The following RBM47 variants were observed in gnomAD, a reference collection of about 807,000 sequenced individuals.
RBM47 encodes the protein RNA-binding protein 47.
Under a neutral mutation model 47.1 loss-of-function variants are expected in RBM47, and 21 were observed. The observed-to-expected ratio is 0.45, with a 90% CI of 0.32 to 0.64. The LOEUF (loss-of-function observed/expected upper bound fraction) is 0.64. Among genes scored for constraint, RBM47 ranks in the 30% least tolerant of loss-of-function variants. The pLI, the probability that RBM47 is intolerant of heterozygous loss-of-function variation, is 0.05. For missense variants in RBM47, 708 were observed against 870.9 expected, an observed-to-expected ratio of 0.81 and a Z score of 2.35; for synonymous variants, 375 against 361.7, an observed-to-expected ratio of 1.04 and a Z score of -0.42.
intron 1 of RBM47, among the ~76,000 whole-genome samples, chr4:40,599,897 T>C (rs1735090198): frequency 6.6e-6 from 1 of 152,158 alleles, no homozygotes; most frequent in Admixed American, 6.6e-5. Flanking sequence ...GGGTGGTTTG[T>C]TGTACATCAA....
At chr4:40,583,614 T>G (rs149330782) in intron 1 of RBM47, among the ~76,000 whole-genome samples, 7,821 of 151,370 alleles carry the variant, frequency 0.052, 470 homozygotes, top group East Asian at 0.21. Context: ...ATCCCAGCAC[T>G]TTGGGAGGCC....
chr4:40,455,650 G>A (rs1386263480), intron 3 of RBM47: 3 of 152,134 alleles, frequency 2.0e-5, no homozygotes, highest in African/African-American at 2.4e-5. Context: ...CTCAGGAGGC[G>A]GAGGTGGGAG....
At chr4:40,498,537 G>C (rs1015174111) in intron 2 of RBM47, among the ~76,000 whole-genome samples, 2 of 151,880 alleles carry the variant, frequency 1.3e-5, no homozygotes, top group Non-Finnish European at 2.9e-5. Flanking sequence ...AATTAGCCTG[G>C]CATGGTGGTG....
At chr4:40,528,135 A>G (rs1726934110) in intron 2 of RBM47, among the ~76,000 whole-genome samples, 1 of 152,240 alleles carries the variant, frequency 6.6e-6, no homozygotes, top group Non-Finnish European at 1.5e-5. Context: ...GTTTTGGGCC[A>G]GGTGTGGTGG....
At chr4:40,615,886 C>T (rs1309770651) in intron 1 of RBM47, among the ~76,000 whole-genome samples, 1 of 152,172 alleles carries the variant, frequency 6.6e-6, no homozygotes, top group Non-Finnish European at 1.5e-5. Context: ...ATCTGTGGCT[C>T]AATTAAGCAA....
intron 1 of RBM47, among the ~76,000 whole-genome samples, chr4:40,566,832 G>T (rs1176778780): frequency 2.6e-5 from 4 of 151,892 alleles, no homozygotes; most frequent in African/African-American, 9.7e-5. Context: ...AGCGCTAAGA[G>T]CAGTAGCTAC....
At chr4:40,478,111 G>GATCAAGCGA (rs1220127834) in intron 2 of RBM47, among the ~76,000 whole-genome samples, 1 of 150,570 alleles carries the variant, frequency 6.6e-6, no homozygotes, top group African/African-American at 2.5e-5. Flanking sequence ...CGCCTCCTGG[G>GATCAAGCGA]TTCAAGCGAT....
At chr4:40,527,961 C>T (rs1726911542) in intron 2 of RBM47, among the ~76,000 whole-genome samples, 3 of 152,100 alleles carry the variant, frequency 2.0e-5, no homozygotes, top group Non-Finnish European at 4.4e-5. Flanking sequence ...AACTTGTTTT[C>T]GTATTTCAAA....
intron 1 of RBM47, among the ~76,000 whole-genome samples, chr4:40,625,736 T>C (rs1234665495): frequency 2.0e-5 from 3 of 152,134 alleles, no homozygotes; most frequent in Non-Finnish European, 2.9e-5. Context: ...ACCACAAATA[T>C]ATAGCATCCC....
chr4:40,584,356 T>A lies in RBM47; in HGVS notation c.-239-39850A>T, dbSNP rs568065794. Among the ~76,000 whole-genome samples, 213 of 152,272 alleles carry A rather than the reference T, an allele frequency of 1.4e-3. 7 individuals are homozygous for A. Among genetic ancestry groups the A allele is most frequent in the Middle Eastern group, 6.8e-3 (2 of 294 alleles). On this transcript the variant is annotated intron_variant, in intron 1 of 6. Transcript: ENST00000295971. Reference sequence around the variant, plus strand: ...CCCTGTGAGCCATGACATGGAAACTTCCACTCCAATCCATCAGACCAGTGT... The same window carrying A: ...CCCTGTGAGCCATGACATGGAAACTACCACTCCAATCCATCAGACCAGTGT...
intron 4 of RBM47, among the ~76,000 whole-genome samples, chr4:40,437,135 A>T (rs1257943122): frequency 4.2e-5 from 4 of 95,022 alleles, no homozygotes; most frequent in African/African-American, 1.9e-4. Flanking sequence ...TATATATAAA[A>T]TACATATATA....
At chr4:40,542,012 T>TA (rs1359988313) in intron 2 of RBM47, among the ~76,000 whole-genome samples, 1 of 152,172 alleles carries the variant, frequency 6.6e-6, no homozygotes, top group East Asian at 1.9e-4. Context: ...AACCACCTCT[T>TA]ACTAGAAGCT....
At chr4:40,587,468 A>G (rs1733701281) in intron 1 of RBM47, among the ~76,000 whole-genome samples, 1 of 152,206 alleles carries the variant, frequency 6.6e-6, no homozygotes, top group African/African-American at 2.4e-5. Flanking sequence ...CAGGGAACAC[A>G]CAGAAAGAGA....
intron 1 of RBM47, among the ~76,000 whole-genome samples, chr4:40,598,344 T>C (rs1243294030): frequency 6.6e-6 from 1 of 152,130 alleles, no homozygotes; most frequent in African/African-American, 2.4e-5. Context: ...CCTACCAGGC[T>C]CAAGCCATCC....
At chr4:40,516,362 C>A (rs1240423220) in intron 2 of RBM47, among the ~76,000 whole-genome samples, 3 of 150,738 alleles carry the variant, frequency 2.0e-5, no homozygotes, top group African/African-American at 7.3e-5. Flanking sequence ...CAAGTTCAAG[C>A]GATTCTCCTG....
At chr4:40,587,169 G>A (rs998894076) in intron 1 of RBM47, among the ~76,000 whole-genome samples, 1 of 152,154 alleles carries the variant, frequency 6.6e-6, no homozygotes, top group African/African-American at 2.4e-5. Context: ...TGAGGAGGAG[G>A]AGGAAGATTC....
At chr4:40,565,315 C>T (rs1283974181) in intron 1 of RBM47, among the ~76,000 whole-genome samples, 1 of 152,160 alleles carries the variant, frequency 6.6e-6, no homozygotes, top group East Asian at 1.9e-4. Context: ...TCAAGGGCAC[C>T]AACATGCATC....
At chr4:40,515,114 T>A (rs932843422) in intron 2 of RBM47, among the ~76,000 whole-genome samples, 1 of 152,216 alleles carries the variant, frequency 6.6e-6, no homozygotes, top group South Asian at 2.1e-4. Flanking sequence ...TTATTCACAG[T>A]TAAGACCCAA....
chr4:40,483,818 G>A (rs1400884540), intron 2 of RBM47, among the ~76,000 whole-genome samples: 2 of 152,178 alleles, frequency 1.3e-5, no homozygotes, highest in African/African-American at 4.8e-5. Flanking sequence ...AAACAAGTAT[G>A]AAAGCATCAA....
Sources: allele counts gnomAD v4.1 joint callset (sites outside exome capture counted in the v4.1 genomes callset), GRCh38; gene constraint gnomAD v4.1.1; transcripts MANE v1.5; gene names NCBI Gene and HGNC (gene_info 2026-07-23, HGNC 2026-07-21).